The following UBE3C variants were observed in gnomAD, a reference collection of about 807,000 sequenced individuals.
UBE3C encodes ubiquitin protein ligase E3C.
In UBE3C, 42 loss-of-function variants were observed where a neutral mutation model predicts 129.4. The ratio of observed to expected loss-of-function variants is 0.32; its 90% confidence interval spans 0.25 to 0.42. The LOEUF (loss-of-function observed/expected upper bound fraction) is 0.42. Ranked by LOEUF, UBE3C falls within the 10% of genes least tolerant of loss-of-function variation. The pLI is 1.00. For missense variants in UBE3C, 1,049 were observed against 1,319.1 expected (o/e 0.80, Z 3.17); for synonymous variants, 510 against 492.4 (o/e 1.04, Z -0.47).
chr7:157,193,370 G>A (rs532320848), intron 10 of UBE3C, among the ~76,000 whole-genome samples: 154 of 152,274 alleles, frequency 1.0e-3, no homozygotes, highest in Non-Finnish European at 1.7e-3. Flanking sequence ...TCTTTTACCT[G>A]TGGCACCTGG....
In UBE3C at chr7:157,264,716, C is replaced by T. The variant is rs139066221; in HGVS notation, c.3082-2869C>T. Among the ~76,000 whole-genome samples, 550 of 152,296 alleles carry T rather than the reference C, an allele frequency of 3.6e-3. 3 individuals are homozygous for T. Among genetic ancestry groups the T allele is most frequent in the African/African-American group, 0.012 (494 of 41,562 alleles). ...CCCGAGTAATTGGAATTATTACAGG[C>T]ATGCACCACTACAGCCGGCTAATTT... On this transcript the variant is annotated intron_variant, in intron 22 of 22. Transcript: ENST00000348165.
At chr7:157,158,763 C>G (rs1422133596) in intron 1 of UBE3C, among the ~76,000 whole-genome samples, 2 of 152,062 alleles carry the variant, frequency 1.3e-5, no homozygotes, top group Non-Finnish European at 2.9e-5. Context: ...CCCATGGGGA[C>G]GTTTTTTTTC....
intron 22 of UBE3C, among the ~76,000 whole-genome samples, chr7:157,259,538 A>G (rs1486568321): frequency 6.6e-6 from 1 of 152,250 alleles, no homozygotes; most frequent in Non-Finnish European, 1.5e-5. Flanking sequence ...ATTAAGAGAT[A>G]TTTAGAATTT....
At chr7:157,253,436 G>A (rs1182379) in intron 19 of UBE3C, among the ~76,000 whole-genome samples, 144,092 of 152,332 alleles carry the variant, frequency 0.95, 68,229 homozygotes, top group East Asian at 0.99. Context: ...TGGCTGATCT[G>A]TTATCACTGA....
rs866680292 is a variant in UBE3C at position 157,190,673 on chromosome 7, A to G, written c.1331+3652A>G. ...TGCCAGCCTGACTTGTGGAAAATAC[A>G]ACCCTGATTATTGCATTCTCTTGAA... is the stretch of plus-strand genomic sequence containing the variant. On this transcript the variant is annotated intron_variant, in intron 10 of 22. Coordinates refer to ENST00000348165, the MANE Select transcript of UBE3C (RefSeq NM_014671.3). 4.6e-5 allele frequency among the ~76,000 whole-genome samples: 7 copies of G among 152,316 alleles called. No individual in the cohort carries two copies. In the South Asian group the frequency reaches 8.3e-4, roughly 18 times the overall value.
chr7:157,258,213 C>T (rs1796805971), intron 22 of UBE3C, among the ~76,000 whole-genome samples: 1 of 152,124 alleles, frequency 6.6e-6, no homozygotes. Flanking sequence ...TCCCAAGGTG[C>T]TGGGATGACA....
chr7:157,182,937 C>T (rs898933365), intron 8 of UBE3C, among the ~76,000 whole-genome samples: 11 of 152,004 alleles, frequency 7.2e-5, no homozygotes, highest in Admixed American at 6.6e-5. Context: ...TTAGTAGAGA[C>T]GGGGTTTCAC....
At chr7:157,210,211 T>G (rs955029228) in intron 13 of UBE3C, among the ~76,000 whole-genome samples, 1 of 152,094 alleles carries the variant, frequency 6.6e-6, no homozygotes, top group African/African-American at 2.4e-5. Flanking sequence ...CTTTTTTTTG[T>G]TGGTGGTGGT....
At chr7:157,200,703 T>G (rs1012087764) in intron 10 of UBE3C, among the ~76,000 whole-genome samples, 14 of 152,150 alleles carry the variant, frequency 9.2e-5, no homozygotes, top group Admixed American at 3.3e-4. Context: ...GGTGCAATCT[T>G]GGCTCACTGC....
At chr7:157,253,323 G>C (rs1020935704) in intron 19 of UBE3C, among the ~76,000 whole-genome samples, 1 of 152,212 alleles carries the variant, frequency 6.6e-6, no homozygotes, top group South Asian at 2.1e-4. Flanking sequence ...GAGCACTCTT[G>C]TGGTGTTTAT....
chr7:157,194,884 C>T (rs1192444215), intron 10 of UBE3C, among the ~76,000 whole-genome samples: 1 of 152,232 alleles, frequency 6.6e-6, no homozygotes, highest in Admixed American at 6.5e-5. Flanking sequence ...GTACAGCCTG[C>T]TGTCTTCTTG....
chr7:157,145,917 A>T (rs1208087195), intron 1 of UBE3C, among the ~76,000 whole-genome samples: 1 of 152,174 alleles, frequency 6.6e-6, no homozygotes, highest in Non-Finnish European at 1.5e-5. Flanking sequence ...ATTGAATTTT[A>T]ATGAAGTCCA....
At chr7:157,186,673 C>A (rs1297648414) in intron 9 of UBE3C, among the ~76,000 whole-genome samples, 161 bp from the exon 10 acceptor site, 1 of 152,018 alleles carries the variant, frequency 6.6e-6, no homozygotes, top group Non-Finnish European at 1.5e-5. Flanking sequence ...TGACTGGATC[C>A]CTAGAGGATT....
chr7:157,209,631 A>T, intron 13 of UBE3C, among the ~76,000 whole-genome samples: 1 of 152,208 alleles, frequency 6.6e-6, no homozygotes. Flanking sequence ...AAAGCTTTCC[A>T]TGATGTGCAA....
chr7:157,145,237 T>C (rs1437346277), intron 1 of UBE3C, among the ~76,000 whole-genome samples: 1 of 150,586 alleles, frequency 6.6e-6, no homozygotes, highest in Non-Finnish European at 1.5e-5. Context: ...CATGACTCTG[T>C]CTCCAAAAAA....
At chr7:157,196,904 G>C (rs1406279218) in intron 10 of UBE3C, among the ~76,000 whole-genome samples, 1 of 152,206 alleles carries the variant, frequency 6.6e-6, no homozygotes, top group East Asian at 1.9e-4. Flanking sequence ...GGGAGGTGGA[G>C]GTTGTGGTGA....
chr7:157,236,228 T>C (rs941642852), intron 18 of UBE3C, among the ~76,000 whole-genome samples: 17 of 148,514 alleles, frequency 1.1e-4, no homozygotes, highest in African/African-American at 3.9e-4. Context: ...GATGTGGTAA[T>C]GTCATCTTGA....
chr7:157,249,534 A>C (rs1028786996), intron 19 of UBE3C, among the ~76,000 whole-genome samples: 11 of 152,154 alleles, frequency 7.2e-5, no homozygotes, highest in African/African-American at 2.7e-4. Context: ...GCTGGTCTCG[A>C]ACTCCCGACC....
chr7:157,230,439 G>A (rs1041557072), intron 17 of UBE3C, among the ~76,000 whole-genome samples: 2 of 151,230 alleles, frequency 1.3e-5, no homozygotes, highest in African/African-American at 4.9e-5. Flanking sequence ...GCTCACGCCT[G>A]TAATCCCAGC....
Sources: gnomAD v4.1 joint callset for allele counts (sites outside exome capture counted in the v4.1 genomes callset) on GRCh38, gnomAD v4.1.1 for gene constraint, MANE v1.5 for transcripts, NCBI Gene and HGNC (gene_info 2026-07-23, HGNC 2026-07-21) for gene names.